RPH3A: variants seen among roughly 807,000 people sequenced by gnomAD.
RPH3A encodes the protein rabphilin 3A, also known as rabphilin-3A.
RPH3A carries 48 observed loss-of-function variants against 102.2 expected under a neutral mutation model. That is an observed-to-expected ratio of 0.47 (90% CI 0.37 to 0.60). The LOEUF (loss-of-function observed/expected upper bound fraction) is 0.60. Ranked by LOEUF, RPH3A falls within the 20% of genes least tolerant of loss-of-function variation. The pLI, the probability that RPH3A is intolerant of heterozygous loss-of-function variation, is 0.00. For missense variants in RPH3A, 781 were observed against 910.1 expected, an observed-to-expected ratio of 0.86 and a Z score of 1.83; for synonymous variants, 310 against 324.3, an observed-to-expected ratio of 0.96 and a Z score of 0.47.
intron 1 of RPH3A, among the ~76,000 whole-genome samples, chr12:112,678,283 A>AGAGAGAGAGAG (rs1566255170): frequency 4.3e-5 from 2 of 46,852 alleles, no homozygotes; most frequent in East Asian, 6.2e-4. Context: ...GAAAGAAAGA[A>AGAGAGAGAGAG]AGAAAGAAAG....
intron 18 of RPH3A, among the ~76,000 whole-genome samples, 178 bp from the exon 19 acceptor site, chr12:112,890,671 C>T (rs1384157552): frequency 6.6e-6 from 1 of 152,200 alleles, no homozygotes; most frequent in East Asian, 1.9e-4. Context: ...TGAGACTGGT[C>T]CTCAACTTTC....
At chr12:112,679,413 A>G (rs2040211257) in intron 1 of RPH3A, among the ~76,000 whole-genome samples, 1 of 151,554 alleles carries the variant, frequency 6.6e-6, no homozygotes, top group African/African-American at 2.4e-5. Context: ...TCAGCCTCCC[A>G]AAATGCTGGG....
intron 1 of RPH3A, among the ~76,000 whole-genome samples, chr12:112,600,038 C>T (rs368893569): frequency 7.9e-4 from 121 of 152,246 alleles, no homozygotes; most frequent in African/African-American, 2.9e-3. Context: ...GCTTTGTACC[C>T]GGTACAATTT....
At chr12:112,785,626 C>T (rs1275044776) in intron 1 of RPH3A, among the ~76,000 whole-genome samples, 3 of 152,114 alleles carry the variant, frequency 2.0e-5, no homozygotes, top group East Asian at 1.9e-4. Context: ...AGTGCTTTAA[C>T]GTATGTTAGC....
At chr12:112,822,891 C>T (rs2041805510) in intron 2 of RPH3A, among the ~76,000 whole-genome samples, 1 of 152,190 alleles carries the variant, frequency 6.6e-6, no homozygotes, top group African/African-American at 2.4e-5. Flanking sequence ...GTTGTTGCTT[C>T]TTTTGTTACT....
chr12:112,704,081 T>C (rs2040412491), intron 1 of RPH3A, among the ~76,000 whole-genome samples: 1 of 151,516 alleles, frequency 6.6e-6, no homozygotes, highest in Non-Finnish European at 1.5e-5. Context: ...ATCTTTTCTC[T>C]TCTTCTTCTT....
At chr12:112,698,062 G>A (rs1489087347) in intron 1 of RPH3A, among the ~76,000 whole-genome samples, 1 of 152,118 alleles carries the variant, frequency 6.6e-6, no homozygotes, top group African/African-American at 2.4e-5. Flanking sequence ...GGCAAAAGGA[G>A]AGAAAAGTAG....
chr12:112,614,130 G>A (rs1302344914), intron 1 of RPH3A, among the ~76,000 whole-genome samples: 1 of 152,128 alleles, frequency 6.6e-6, no homozygotes, highest in Admixed American at 6.5e-5. Flanking sequence ...AGCTCCCCTG[G>A]CACCTTGACT....
chr12:112,886,727 G>C (rs2043007318), intron 16 of RPH3A, among the ~76,000 whole-genome samples: 2 of 152,200 alleles, frequency 1.3e-5, no homozygotes, highest in South Asian at 4.1e-4. Flanking sequence ...GATTCAGGGA[G>C]ACCTGGATTC....
chr12:112,691,366 AAGG>A (rs1300442750), intron 1 of RPH3A, among the ~76,000 whole-genome samples: 1 of 152,178 alleles, frequency 6.6e-6, no homozygotes, highest in African/African-American at 2.4e-5. Flanking sequence ...GGAGGACTGA[AAGG>A]AGAAGTGGGG....
intron 1 of RPH3A, among the ~76,000 whole-genome samples, chr12:112,708,751 G>A (rs1054708648): frequency 6.6e-6 from 1 of 152,124 alleles, no homozygotes; most frequent in African/African-American, 2.4e-5. Flanking sequence ...CAAGCGCCCA[G>A]GGGATCGGAG....
At chr12:112,661,157 TCA>T (rs1200514152) in intron 1 of RPH3A, among the ~76,000 whole-genome samples, 2 of 152,150 alleles carry the variant, frequency 1.3e-5, no homozygotes, top group Non-Finnish European at 2.9e-5. Flanking sequence ...TCCCTGAGCC[TCA>T]GACCCATGCT....
Position 112,865,523 on chromosome 12 carries a change from G to A in RPH3A, c.340G>A (p.Val114Ile), listed in dbSNP as rs2042595874. 1.9e-6 allele frequency: 3 copies of A among 1,613,712 alleles called. No homozygotes were observed. Among genetic ancestry groups the A allele is most frequent in the Non-Finnish European group, 1.7e-6 (2 of 1,179,996 alleles). Residue 114 changes from valine (V) to isoleucine (I), a missense_variant, in exon 6 of 22, where the codon GTA (valine) becomes ATA (isoleucine). By Grantham distance (29) the Val-to-Ile change is conservative. Coordinates refer to ENST00000389385, the MANE Select transcript of RPH3A (RefSeq NM_001143854.2). ...QLGMLGSACV[V>I]CEDCKKNVCT... The stretch of plus-strand genomic sequence containing the variant: ...GGGGATGCTGGGCTCTGCCTGTGTA[G>A]TATGTGAGGACTGTAAGAAGGTATC...
At chr12:112,773,829 C>T (rs2040944703) in intron 1 of RPH3A, among the ~76,000 whole-genome samples, 1 of 151,894 alleles carries the variant, frequency 6.6e-6, no homozygotes, top group Admixed American at 6.6e-5. Flanking sequence ...ACCTGTAATC[C>T]CAGCACTTTG....
At chr12:112,664,364 C>G (rs2040070381) in intron 1 of RPH3A, among the ~76,000 whole-genome samples, 1 of 152,114 alleles carries the variant, frequency 6.6e-6, no homozygotes, top group Non-Finnish European at 1.5e-5. Flanking sequence ...ATCAGGTTCT[C>G]TCTCCAGAAA....
Position 112,836,394 on chromosome 12 carries a change from T to A in RPH3A, c.72-97T>A, listed in dbSNP as rs147119097. The A allele has an allele frequency of 6.7e-5, 40 of 596,326 alleles. No homozygotes were observed. In the African/African-American group the frequency reaches 7.3e-4, roughly 11 times the overall value. 36.9% of individuals were successfully genotyped at this position (596,326 alleles called of 1,614,324 possible). ...GGAAGTAGGTCATCATAATTCAAGC[T>A]ACGTGAGTGTTGCATCCAGACAGTG... On this transcript the variant is annotated intron_variant, in intron 3 of 21. Coordinates refer to ENST00000389385, the MANE Select transcript of RPH3A (RefSeq NM_001143854.2).
chr12:112,731,717 G>T (rs1291173907), intron 1 of RPH3A, among the ~76,000 whole-genome samples: 1 of 152,070 alleles, frequency 6.6e-6, no homozygotes, highest in Non-Finnish European at 1.5e-5. Context: ...CCCATTTGGG[G>T]GATTTTTCCC....
intron 1 of RPH3A, among the ~76,000 whole-genome samples, chr12:112,599,831 A>G (rs1328674159): frequency 6.6e-6 from 1 of 152,238 alleles, no homozygotes; most frequent in Non-Finnish European, 1.5e-5. Context: ...GACCTGGCAC[A>G]TAGCTGTCCC....
At chr12:112,671,520 CAG>C (rs775507062) in intron 1 of RPH3A, among the ~76,000 whole-genome samples, 24 of 152,148 alleles carry the variant, frequency 1.6e-4, no homozygotes, top group Non-Finnish European at 2.5e-4. Context: ...TCTCATCAGT[CAG>C]AAATTCTCAT....
Sources: allele counts gnomAD v4.1 joint callset (sites outside exome capture counted in the v4.1 genomes callset), GRCh38; gene constraint gnomAD v4.1.1; transcripts MANE v1.5; gene names NCBI Gene and HGNC (gene_info 2026-07-23, HGNC 2026-07-21).